Variants in OXR1 observed in about 807,000 individuals in gnomAD.
OXR1 encodes oxidation resistance protein 1.
Under a neutral mutation model 104.6 loss-of-function variants are expected in OXR1, and 41 were observed. The ratio of observed to expected loss-of-function variants is 0.39; its 90% CI spans 0.31 to 0.51. OXR1 has a LOEUF of 0.51. Ranked by LOEUF, OXR1 falls within the 20% of genes least tolerant of loss-of-function variation. OXR1 has a pLI of 0.77. For synonymous variants in OXR1, 348 were observed against 348.4 expected (o/e 1.00, Z 0.01); for missense variants, 955 against 1,031.9 (o/e 0.93, Z 1.02).
At chr8:106,615,913 G>A (rs1220180451) in intron 3 of OXR1, among the ~76,000 whole-genome samples, 3 of 151,806 alleles carry the variant, frequency 2.0e-5, no homozygotes, top group Admixed American at 6.6e-5. Context: ...ATTACACATA[G>A]TAAGTCATTG....
At chr8:106,463,397 C>A (rs1821011617) in intron 2 of OXR1, among the ~76,000 whole-genome samples, 1 of 152,078 alleles carries the variant, frequency 6.6e-6, no homozygotes, top group Non-Finnish European at 1.5e-5. Flanking sequence ...AATAATTGTG[C>A]ATGCCTCTCA....
intron 2 of OXR1, among the ~76,000 whole-genome samples, chr8:106,412,960 T>C (rs1818518581): frequency 6.6e-6 from 1 of 152,116 alleles, no homozygotes; most frequent in African/African-American, 2.4e-5. Context: ...ACCTTGCATT[T>C]TTCTGAAAGC....
chr8:106,326,174 A>G (rs1259834050), intron 1 of OXR1, among the ~76,000 whole-genome samples: 4 of 152,206 alleles, frequency 2.6e-5, no homozygotes, highest in African/African-American at 9.7e-5. Context: ...AAATTTCAGT[A>G]TGTCTACCAG....
At chr8:106,408,390 T>C (rs866730573) in intron 2 of OXR1, among the ~76,000 whole-genome samples, 1 of 152,152 alleles carries the variant, frequency 6.6e-6, no homozygotes, top group African/African-American at 2.4e-5. Flanking sequence ...TGGCATCAGT[T>C]CTTTGATGGT....
intron 1 of OXR1, among the ~76,000 whole-genome samples, chr8:106,279,995 G>C (rs1812211651): frequency 6.7e-6 from 1 of 148,968 alleles, no homozygotes; most frequent in Non-Finnish European, 1.5e-5. Flanking sequence ...AGAAAGGACA[G>C]AGAGAGAGAG....
At chr8:106,616,890 G>A (rs1211282561) in intron 3 of OXR1, among the ~76,000 whole-genome samples, 1 of 152,120 alleles carries the variant, frequency 6.6e-6, no homozygotes, top group Admixed American at 6.6e-5. Flanking sequence ...CCACTGACTT[G>A]ACATTGTCTG....
At chr8:106,445,287 C>A (rs2130599088) in intron 2 of OXR1, among the ~76,000 whole-genome samples, 2 of 152,308 alleles carry the variant, frequency 1.3e-5, no homozygotes, top group Middle Eastern at 3.4e-3. Context: ...AGAGTGAAAT[C>A]TGAATCATTA....
At chr8:106,350,996 A>G (rs10096864) in intron 1 of OXR1, among the ~76,000 whole-genome samples, 2,239 of 152,332 alleles carry the variant, frequency 0.015, 64 homozygotes, top group African/African-American at 0.051. Flanking sequence ...TCCATAATTA[A>G]TATTCAAGTT....
intron 1 of OXR1, among the ~76,000 whole-genome samples, chr8:106,293,971 T>TTTTTC (rs1812867575): frequency 1.5e-5 from 1 of 68,646 alleles, no homozygotes; most frequent in African/African-American, 4.7e-5. Context: ...TTTAATTTTT[T>TTTTTC]TTTTTTTTTT....
intron 2 of OXR1, among the ~76,000 whole-genome samples, chr8:106,391,491 T>C (rs1476245858): frequency 6.6e-6 from 1 of 152,214 alleles, no homozygotes; most frequent in Non-Finnish European, 1.5e-5. Flanking sequence ...ATGTGTTCTT[T>C]CTTTAAAATA....
At position 106,287,897 on chromosome 8, in the gene OXR1, G is replaced by A. The variant is rs563082839; in HGVS notation, c.-139+17530G>A. On this transcript the variant is annotated intron_variant, in intron 1 of 16. Transcript: ENST00000517566. ...TCTACAAGCCTATATAGTTAACAGA[G>A]CAGAGCTCCTCTGAGCTGTTCCAGC... Among the ~76,000 whole-genome samples, 33 of 152,292 alleles carry A rather than the reference G, an allele frequency of 2.2e-4. 1 individual carries two copies. The South Asian group carries it at 6.6e-3, about 31-fold the overall frequency.
chr8:106,287,656 CAAAA>C (rs11312139), intron 1 of OXR1, among the ~76,000 whole-genome samples: 1 of 146,516 alleles, frequency 6.8e-6, no homozygotes, highest in Non-Finnish European at 1.5e-5. Context: ...CATCCCATTT[CAAAA>C]AAAAAAAAAT....
At chr8:106,281,586 A>T (rs565943385) in intron 1 of OXR1, among the ~76,000 whole-genome samples, 1 of 152,210 alleles carries the variant, frequency 6.6e-6, no homozygotes, top group East Asian at 1.9e-4. Flanking sequence ...GTGGAACACG[A>T]GTCAGGAATT....
At chr8:106,587,441 G>A (rs952520246) in intron 3 of OXR1, among the ~76,000 whole-genome samples, 14 of 152,164 alleles carry the variant, frequency 9.2e-5, no homozygotes, top group African/African-American at 2.9e-4. Flanking sequence ...CAGCACTAAA[G>A]TTTCACTTGA....
intron 1 of OXR1, among the ~76,000 whole-genome samples, chr8:106,309,309 A>G (rs1393323930): frequency 6.6e-6 from 1 of 152,188 alleles, no homozygotes; most frequent in Non-Finnish European, 1.5e-5. Context: ...AAACATCTTC[A>G]GAAAAATAAA....
At chr8:106,606,856 G>T (rs1430286872) in intron 3 of OXR1, among the ~76,000 whole-genome samples, 1 of 152,068 alleles carries the variant, frequency 6.6e-6, no homozygotes, top group Non-Finnish European at 1.5e-5. Context: ...TGGAGTACCT[G>T]CTACTAAATA....
intron 2 of OXR1, among the ~76,000 whole-genome samples, chr8:106,374,620 G>A (rs1336647973): frequency 6.6e-6 from 1 of 152,188 alleles, no homozygotes; most frequent in Non-Finnish European, 1.5e-5. Context: ...ATACAAGGTT[G>A]AATTCAAGTG....
intron 6 of OXR1, among the ~76,000 whole-genome samples, chr8:106,689,102 C>T (rs1315091350): frequency 6.6e-6 from 1 of 152,080 alleles, no homozygotes; most frequent in East Asian, 1.9e-4. Flanking sequence ...TGGGTTACAA[C>T]AAAAGAAATT....
intron 2 of OXR1, among the ~76,000 whole-genome samples, chr8:106,463,202 C>T (rs528423362): frequency 2.2e-4 from 34 of 152,052 alleles, no homozygotes; most frequent in African/African-American, 7.5e-4. Flanking sequence ...TAATAAAGCT[C>T]GATGCTCTCC....
Sources: gnomAD v4.1 joint callset for allele counts (sites outside exome capture counted in the v4.1 genomes callset) on GRCh38, gnomAD v4.1.1 for gene constraint, MANE v1.5 for transcripts, NCBI Gene and HGNC (gene_info 2026-07-23, HGNC 2026-07-21) for gene names.